FGF13: variants seen among roughly 807,000 people sequenced by gnomAD.
FGF13 encodes fibroblast growth factor homologous factor 2.
In FGF13, 2 loss-of-function variants were observed where a neutral mutation model predicts 19.5. The ratio of observed to expected loss-of-function variants is 0.10; its 90% CI spans 0.04 to 0.32. FGF13 has a LOEUF of 0.32. FGF13 is among the 10% of genes least tolerant of loss of function. The pLI, the probability that FGF13 is intolerant of heterozygous loss-of-function variation, is 1.00. For synonymous variants in FGF13, 72 were observed against 76.9 expected (o/e 0.94, Z 0.33); for missense variants, 113 against 192.7 (o/e 0.59, Z 2.45).
intron 1 of FGF13, among the ~76,000 whole-genome samples, chrX:139,189,626 G>A (rs1268656738): frequency 9.0e-6 from 1 of 111,709 alleles, no homozygotes; most frequent in African/African-American, 3.3e-5. Flanking sequence ...GGTAGCTAAA[G>A]TAGTCAAACC....
At chrX:138,882,956 G>A (rs1481332643) in intron 1 of FGF13, among the ~76,000 whole-genome samples, 1 of 111,152 alleles carries the variant, frequency 9.0e-6, no homozygotes, top group East Asian at 2.8e-4. Flanking sequence ...CCCAAAACTT[G>A]TCTATCCTCT....
At chrX:138,917,547 C>G (rs1187448643) in intron 1 of FGF13, among the ~76,000 whole-genome samples, 7 of 111,569 alleles carry the variant, frequency 6.3e-5, no homozygotes, top group Non-Finnish European at 1.3e-4. Flanking sequence ...ACTAAGACAC[C>G]CACACTTCAC....
chrX:139,144,191 T>C (rs1157472654), intron 1 of FGF13, among the ~76,000 whole-genome samples: 6 of 111,637 alleles, frequency 5.4e-5, no homozygotes, highest in Non-Finnish European at 1.1e-4. Flanking sequence ...ATGCATTGAG[T>C]GCCCATTGAG....
intron 1 of FGF13, among the ~76,000 whole-genome samples, chrX:139,016,619 C>T (rs1603128943): frequency 8.9e-6 from 1 of 112,072 alleles, no homozygotes; most frequent in African/African-American, 3.2e-5. Flanking sequence ...GGGAGGTCTC[C>T]CAAGCATAAC....
chrX:139,145,948 C>A lies in FGF13; in HGVS notation c.-113+57468G>T, dbSNP rs183558435. On this transcript the variant is annotated intron_variant, in intron 1 of 2. Coordinates refer to the FGF13 transcript ENST00000421460. Reference sequence around the variant, plus strand: ...AAAAAAGGGATCCAACCTTTCCTTACACCTTATACAAAAATTAATTCAAGA... The same window carrying A: ...AAAAAAGGGATCCAACCTTTCCTTAAACCTTATACAAAAATTAATTCAAGA... 1.3e-3 allele frequency among the ~76,000 whole-genome samples: 150 copies of A among 111,725 alleles called. 3 individuals are homozygous for A. The South Asian group carries it at 0.048, about 36-fold the overall frequency.
intron 1 of FGF13, among the ~76,000 whole-genome samples, chrX:138,975,541 AAAG>A (rs1023405566): frequency 2.7e-5 from 3 of 111,919 alleles, no homozygotes; most frequent in East Asian, 2.8e-4. Context: ...TAAAAAAAAA[AAAG>A]AAGAAGAAAG....
At chrX:138,752,938 T>G (rs1264790009) in intron 3 of FGF13, among the ~76,000 whole-genome samples, 2 of 112,598 alleles carry the variant, frequency 1.8e-5, no homozygotes, top group Admixed American at 1.9e-4. Flanking sequence ...TTTTTATTGA[T>G]GATGAATTTT....
intron 1 of FGF13, among the ~76,000 whole-genome samples, chrX:139,004,267 G>A (rs955258637): frequency 8.9e-6 from 1 of 112,787 alleles, no homozygotes; most frequent in South Asian, 3.6e-4. Flanking sequence ...CCACTGGCCC[G>A]GGTGATAAGT....
At chrX:138,990,087 T>C (rs2092009303) in intron 1 of FGF13, among the ~76,000 whole-genome samples, 1 of 111,885 alleles carries the variant, frequency 8.9e-6, no homozygotes, top group Non-Finnish European at 1.9e-5. Context: ...GACTTCCTAA[T>C]ATTTGAAAAA....
intron 1 of FGF13, among the ~76,000 whole-genome samples, chrX:139,185,592 A>G (rs1422420123): frequency 9.0e-6 from 1 of 111,379 alleles, no homozygotes; most frequent in Non-Finnish European, 1.9e-5. Context: ...ATGTCCACCA[A>G]TGGGCCCCCA....
rs868285291 is a variant in FGF13 at position 139,111,478 on chromosome X, T to C, written c.-113+91938A>G. ...TCTAAAGATGAAGATGTTTTAGCAG[T>C]AAGGATAAAGATAGAACCGAGGCTG... On this transcript the variant is annotated intron_variant, in intron 1 of 2. Transcript: ENST00000421460. Among the ~76,000 whole-genome samples the C allele has an allele frequency of 4.5e-5, 5 of 112,045 alleles. No homozygotes were observed. In the Middle Eastern group the frequency reaches 0.014, roughly 308 times the overall value.
chrX:139,166,760 T>C (rs1358718520), intron 1 of FGF13, among the ~76,000 whole-genome samples: 1 of 111,741 alleles, frequency 8.9e-6, no homozygotes, highest in Non-Finnish European at 1.9e-5. Flanking sequence ...TAAACTTCTT[T>C]CCTTTATAAA....
intron 3 of FGF13, among the ~76,000 whole-genome samples, chrX:138,817,308 G>A (rs192349581): frequency 1.8e-5 from 2 of 111,859 alleles, no homozygotes; most frequent in East Asian, 5.7e-4. Context: ...GAAGGAGGAT[G>A]GACCCTAGTC....
intron 1 of FGF13, among the ~76,000 whole-genome samples, chrX:138,964,098 A>G (rs1251182521): frequency 8.9e-6 from 1 of 111,993 alleles, no homozygotes; most frequent in African/African-American, 3.3e-5. Context: ...AGGAGTTGAT[A>G]AGAAAGTCCC....
intron 3 of FGF13, among the ~76,000 whole-genome samples, chrX:138,810,786 A>T (rs1311044590): frequency 8.9e-6 from 1 of 112,308 alleles, no homozygotes; most frequent in Non-Finnish European, 1.9e-5. Flanking sequence ...TGGATGAAGG[A>T]TATGAACAGA....
chrX:138,771,887 TTCTC>T (rs1168828473), intron 3 of FGF13, among the ~76,000 whole-genome samples: 3 of 109,129 alleles, frequency 2.7e-5, no homozygotes, highest in Non-Finnish European at 5.7e-5. Flanking sequence ...TTAGGTTTTG[TTCTC>T]TCTGCTTTAA....
At chrX:138,752,144 C>T (rs1403115627) in intron 3 of FGF13, among the ~76,000 whole-genome samples, 7 of 111,632 alleles carry the variant, frequency 6.3e-5, no homozygotes, top group South Asian at 3.8e-4. Flanking sequence ...TATATATGGA[C>T]GGCCAGGCGC....
At chrX:138,702,641 A>T (rs988727675) in intron 3 of FGF13, among the ~76,000 whole-genome samples, 2 of 111,935 alleles carry the variant, frequency 1.8e-5, no homozygotes, top group African/African-American at 6.5e-5. Flanking sequence ...AACCTGGATA[A>T]ATATATGTTC....
intron 1 of FGF13, among the ~76,000 whole-genome samples, chrX:139,100,915 T>C (rs1186298906): frequency 9.0e-6 from 1 of 111,005 alleles, no homozygotes; most frequent in Non-Finnish European, 1.9e-5. Context: ...ATTAATATCA[T>C]CCATTATCTA....
Sources: gnomAD v4.1 joint callset for allele counts (sites outside exome capture counted in the v4.1 genomes callset) on GRCh38, gnomAD v4.1.1 for gene constraint, MANE v1.5 for transcripts, NCBI Gene and HGNC (gene_info 2026-07-23, HGNC 2026-07-21) for gene names.